The following PDE4D variants were observed in gnomAD, a reference collection of about 807,000 sequenced individuals.
The protein encoded by PDE4D is 3',5'-cyclic-AMP phosphodiesterase 4D.
In PDE4D, 24 loss-of-function variants were observed where a neutral mutation model predicts 87.4. The ratio of observed to expected loss-of-function variants is 0.27; its 90% CI spans 0.20 to 0.39. PDE4D has a LOEUF of 0.39. Among genes scored for constraint, PDE4D ranks in the 10% least tolerant of loss-of-function variants. PDE4D has a pLI of 1.00. For synonymous variants in PDE4D, 384 were observed against 383.2 expected (o/e 1.00, Z -0.02); for missense variants, 714 against 1,041.0 (o/e 0.69, Z 4.32).
At chr5:59,961,977 T>C (rs1759521033) in intron 3 of PDE4D, among the ~76,000 whole-genome samples, 1 of 152,214 alleles carries the variant, frequency 6.6e-6, no homozygotes, top group African/African-American at 2.4e-5. Flanking sequence ...GAAAGATGTT[T>C]TGAATGTTTA....
chr5:59,165,990 T>C (rs1299944026), intron 5 of PDE4D, among the ~76,000 whole-genome samples: 1 of 152,140 alleles, frequency 6.6e-6, no homozygotes, highest in Admixed American at 6.6e-5. Flanking sequence ...ATGCACTGAT[T>C]CCTTCAAACC....
At chr5:59,631,569 T>A (rs2150149324) in intron 1 of PDE4D, among the ~76,000 whole-genome samples, 1 of 152,094 alleles carries the variant, frequency 6.6e-6, no homozygotes, top group Non-Finnish European at 1.5e-5. Context: ...CTGGACCTGG[T>A]TAGACAGTGG....
chr5:59,824,902 A>T (rs1382371703), intron 1 of PDE4D, among the ~76,000 whole-genome samples: 2 of 152,164 alleles, frequency 1.3e-5, no homozygotes, highest in South Asian at 4.1e-4. Context: ...GATATATTAC[A>T]GCATTATACC....
At chr5:60,516,691 A>G (rs1266315146) in intron 1 of PDE4D, among the ~76,000 whole-genome samples, 1 of 152,270 alleles carries the variant, frequency 6.6e-6, no homozygotes, top group East Asian at 1.9e-4. Flanking sequence ...ATTAATATTT[A>G]TTGAGCTTCT....
intron 11 of PDE4D, among the ~76,000 whole-genome samples, chr5:58,986,407 G>A (rs978379785): frequency 3.9e-5 from 6 of 152,146 alleles, no homozygotes. Context: ...TAAAGCAGGG[G>A]TCCCCGATCC....
At chr5:59,332,584 A>G (rs969501097) in intron 1 of PDE4D, among the ~76,000 whole-genome samples, 2 of 152,200 alleles carry the variant, frequency 1.3e-5, no homozygotes, top group Non-Finnish European at 2.9e-5. Flanking sequence ...GGCTTTAAAA[A>G]CTATACATTA....
chr5:59,351,505 C>G (rs1207058117), intron 1 of PDE4D, among the ~76,000 whole-genome samples: 1 of 152,140 alleles, frequency 6.6e-6, no homozygotes, highest in Non-Finnish European at 1.5e-5. Flanking sequence ...ACCTCTCGAG[C>G]TCAGAGAATC....
At chr5:59,335,287 GAACC>G (rs1276987486) in intron 1 of PDE4D, among the ~76,000 whole-genome samples, 1 of 152,050 alleles carries the variant, frequency 6.6e-6, no homozygotes, top group Non-Finnish European at 1.5e-5. Context: ...CAGAGCATGG[GAACC>G]AACTCCAAGA....
At chr5:59,833,870 T>C (rs1471177050) in intron 1 of PDE4D, among the ~76,000 whole-genome samples, 2 of 152,086 alleles carry the variant, frequency 1.3e-5, no homozygotes, top group African/African-American at 4.8e-5. Flanking sequence ...GTGTATTCAG[T>C]TGATATGCTA....
intron 1 of PDE4D, among the ~76,000 whole-genome samples, chr5:59,861,942 T>C (rs765155111): frequency 6.6e-6 from 1 of 152,204 alleles, no homozygotes; most frequent in Non-Finnish European, 1.5e-5. Flanking sequence ...TTAGGCAAAT[T>C]GTGAAGCAGT....
chr5:59,088,060 T>C (rs1305334423), intron 5 of PDE4D, among the ~76,000 whole-genome samples: 1 of 152,144 alleles, frequency 6.6e-6, no homozygotes. Context: ...TTCCTAGGCA[T>C]GCAATACATG....
intron 1 of PDE4D, among the ~76,000 whole-genome samples, chr5:59,740,849 G>A (rs1473969129): frequency 2.0e-5 from 3 of 152,090 alleles, no homozygotes; most frequent in African/African-American, 7.2e-5. Context: ...TAGTAGCATA[G>A]GAGGAACAAC....
At chr5:60,113,584 C>T (rs985148444) in intron 2 of PDE4D, among the ~76,000 whole-genome samples, 1 of 152,056 alleles carries the variant, frequency 6.6e-6, no homozygotes, top group Non-Finnish European at 1.5e-5. Flanking sequence ...CTTTGGGGGC[C>T]ATACATGGTT....
At position 60,215,635 on chromosome 5, in the gene PDE4D, C is replaced by A. The variant is rs112758965; in HGVS notation, c.-89-29948G>T. On this transcript the variant is annotated intron_variant, in intron 1 of 16. Coordinates refer to the PDE4D transcript ENST00000502484. ...CATGTTAATATGTTTAGGGACGTATCTTTTATCTACTTCTTAAAGTGTGAT... is the reference window on the plus strand; with the variant it reads ...CATGTTAATATGTTTAGGGACGTATATTTTATCTACTTCTTAAAGTGTGAT... Among the ~76,000 whole-genome samples, 228 of 152,200 alleles carry A rather than the reference C, an allele frequency of 1.5e-3. 2 individuals are homozygous for A. The highest frequency in any genetic ancestry group is 5.2e-3 in the African/African-American group (218 of 41,540).
chr5:60,476,732 G>T (rs1748359415), intron 1 of PDE4D, among the ~76,000 whole-genome samples: 1 of 152,114 alleles, frequency 6.6e-6, no homozygotes, highest in South Asian at 2.1e-4. Flanking sequence ...ACTTTGCCCA[G>T]ATTGTCATGG....
intron 1 of PDE4D, among the ~76,000 whole-genome samples, chr5:59,654,446 A>G (rs1305016153): frequency 6.6e-6 from 1 of 152,200 alleles, no homozygotes; most frequent in Non-Finnish European, 1.5e-5. Context: ...CTTTGTTAGC[A>G]CAATTGCCTC....
chr5:60,051,065 C>G (rs1233294824), intron 2 of PDE4D, among the ~76,000 whole-genome samples: 1 of 152,100 alleles, frequency 6.6e-6, no homozygotes, highest in African/African-American at 2.4e-5. Flanking sequence ...TACAAAGAGA[C>G]TTTTAGACTC....
At chr5:59,430,438 G>C in intron 1 of PDE4D, 6 of 1,230,888 alleles carry the variant, frequency 4.9e-6, no homozygotes, top group Non-Finnish European at 6.1e-6. Flanking sequence ...AAGGCAAGAA[G>C]TAAAAGCAAA....
intron 2 of PDE4D, among the ~76,000 whole-genome samples, chr5:60,175,552 G>T (rs1174606597): frequency 6.6e-6 from 1 of 152,138 alleles, no homozygotes; most frequent in Non-Finnish European, 1.5e-5. Flanking sequence ...TCTTAAAGAG[G>T]AATAGATTGT....
Sources: gnomAD v4.1 joint callset for allele counts (sites outside exome capture counted in the v4.1 genomes callset) on GRCh38, gnomAD v4.1.1 for gene constraint, MANE v1.5 for transcripts, NCBI Gene and HGNC (gene_info 2026-07-23, HGNC 2026-07-21) for gene names.